Variants in RALGPS1 observed in about 807,000 individuals in gnomAD.
RALGPS1 encodes the protein Ral GEF with PH domain and SH3 binding motif 1, also known as ras-specific guanine nucleotide-releasing factor RalGPS1.
In RALGPS1, 19 loss-of-function variants were observed where a neutral mutation model predicts 78.8. That is an observed-to-expected ratio of 0.24 (90% CI 0.17 to 0.35). RALGPS1 has a LOEUF of 0.35. RALGPS1 is among the 10% of genes least tolerant of loss of function. The pLI is 1.00. For synonymous variants in RALGPS1, 228 were observed against 256.3 expected (o/e 0.89, Z 1.06); for missense variants, 454 against 688.3 (o/e 0.66, Z 3.81).
intron 1 of RALGPS1, among the ~76,000 whole-genome samples, chr9:126,953,648 G>A (rs1384491314): frequency 6.6e-6 from 1 of 152,170 alleles, no homozygotes; most frequent in African/African-American, 2.4e-5. Context: ...CCTTTCACCT[G>A]ACACCACATA....
chr9:127,114,202 A>G (rs1252431098), intron 8 of RALGPS1, among the ~76,000 whole-genome samples: 2 of 152,182 alleles, frequency 1.3e-5, no homozygotes, highest in Non-Finnish European at 2.9e-5. Context: ...CACAACTCAC[A>G]TTCATAGTCT....
chr9:127,217,808 A>C (rs952079577), intron 18 of RALGPS1: 1 of 152,194 alleles, frequency 6.6e-6, no homozygotes, highest in African/African-American at 2.4e-5. Context: ...AACCATAAAG[A>C]TGCATTTTCT....
chr9:127,024,047 A>AAAAAAAG (rs2045738211), intron 4 of RALGPS1, among the ~76,000 whole-genome samples: 1 of 151,174 alleles, frequency 6.6e-6, no homozygotes, highest in African/African-American at 2.4e-5. Context: ...AAAAAAAAAA[A>AAAAAAAG]AAAAAAAAGG....
chr9:127,192,434 G>A (rs1432434494), intron 11 of RALGPS1, among the ~76,000 whole-genome samples: 1 of 152,226 alleles, frequency 6.6e-6, no homozygotes, highest in Non-Finnish European at 1.5e-5. Context: ...ATGCATCTTA[G>A]GAAAGGGCAG....
intron 4 of RALGPS1, among the ~76,000 whole-genome samples, chr9:127,028,883 A>C (rs2046180431): frequency 6.6e-6 from 1 of 152,084 alleles, no homozygotes; most frequent in Non-Finnish European, 1.5e-5. Context: ...GGTCCATGTA[A>C]GTCCCTAACT....
In RALGPS1 at chr9:126,926,922, A is replaced by G. The variant is rs1033745579; in HGVS notation, c.-66+11947A>G. ...AGATGGTAGGACCAGTCACTGAGCT[A>G]TGAAACGTGAAAGGAATACTGGGTT... On this transcript the variant is annotated intron_variant, in intron 1 of 18. Coordinates refer to ENST00000259351, the MANE Select transcript of RALGPS1 (RefSeq NM_014636.3). Among the ~76,000 whole-genome samples the G allele has an allele frequency of 7.0e-4, 106 of 152,162 alleles. 1 individual carries two copies. Among genetic ancestry groups the G allele is most frequent in the African/African-American group, 2.5e-3 (104 of 41,430 alleles).
chr9:127,021,211 G>C (rs890952435), intron 4 of RALGPS1, among the ~76,000 whole-genome samples: 1 of 152,028 alleles, frequency 6.6e-6, no homozygotes, highest in Non-Finnish European at 1.5e-5. Flanking sequence ...AATGTAATAA[G>C]ACCCTGCCGG....
intron 8 of RALGPS1, among the ~76,000 whole-genome samples, chr9:127,097,766 G>A (rs764851364): frequency 1.3e-5 from 2 of 152,230 alleles, no homozygotes; most frequent in Admixed American, 6.5e-5. Flanking sequence ...GTCTGGCCTC[G>A]ATGGAGGAAG....
At chr9:126,995,345 GC>G (rs1446788743) in intron 4 of RALGPS1, among the ~76,000 whole-genome samples, 1 of 151,962 alleles carries the variant, frequency 6.6e-6, no homozygotes, top group African/African-American at 2.4e-5. Context: ...GATCTACCAA[GC>G]AAATGGAAAA....
At chr9:127,156,278 A>C (rs2139267141) in intron 8 of RALGPS1, among the ~76,000 whole-genome samples, 1 of 152,298 alleles carries the variant, frequency 6.6e-6, no homozygotes, top group South Asian at 2.1e-4. Context: ...GTATTGCTGC[A>C]ATTTGTAGTA....
At chr9:127,140,235 AC>A (rs112847930) in intron 8 of RALGPS1, among the ~76,000 whole-genome samples, 3 of 152,200 alleles carry the variant, frequency 2.0e-5, no homozygotes, top group African/African-American at 4.8e-5. Context: ...ACTTTGGGGC[AC>A]CCTGGAAGGC....
At chr9:126,929,154 T>A (rs922705880) in intron 1 of RALGPS1, among the ~76,000 whole-genome samples, 2 of 152,162 alleles carry the variant, frequency 1.3e-5, no homozygotes, top group African/African-American at 4.8e-5. Context: ...ACCTGTATAA[T>A]AAATGTTTGA....
chr9:126,952,654 A>AGTGTGTGTGTGTGTGTGTGTGTGT (rs1392225698), intron 1 of RALGPS1, among the ~76,000 whole-genome samples: 3 of 138,112 alleles, frequency 2.2e-5, no homozygotes, highest in African/African-American at 7.8e-5. Flanking sequence ...AGAGAGAGAG[A>AGTGTGTGTGTGTGTGTGTGTGTGT]GAGTGTGTGT....
chr9:127,194,437 G>C (rs1270932030), intron 11 of RALGPS1, among the ~76,000 whole-genome samples: 1 of 152,158 alleles, frequency 6.6e-6, no homozygotes, highest in African/African-American at 2.4e-5. Flanking sequence ...TTTGGGGACG[G>C]AGTCTCACTC....
At chr9:127,017,518 C>A (rs1011687018) in intron 4 of RALGPS1, among the ~76,000 whole-genome samples, 1 of 152,100 alleles carries the variant, frequency 6.6e-6, no homozygotes, top group Non-Finnish European at 1.5e-5. Context: ...TACTGTAATA[C>A]ACAACTGTAG....
intron 4 of RALGPS1, among the ~76,000 whole-genome samples, chr9:126,991,216 C>T (rs1588881404): frequency 6.6e-6 from 1 of 152,190 alleles, no homozygotes; most frequent in East Asian, 1.9e-4. Flanking sequence ...AATTCCCCAA[C>T]TCCATTTATT....
At chr9:126,974,367 C>T (rs564119134) in intron 3 of RALGPS1, among the ~76,000 whole-genome samples, 21 of 152,218 alleles carry the variant, frequency 1.4e-4, no homozygotes, top group Admixed American at 3.9e-4. Flanking sequence ...CTGTTCTGTG[C>T]GCCCTCCTGG....
At chr9:127,026,983 C>T (rs1178626038) in intron 4 of RALGPS1, among the ~76,000 whole-genome samples, 1 of 152,176 alleles carries the variant, frequency 6.6e-6, no homozygotes, top group East Asian at 1.9e-4. Flanking sequence ...AGACAGTGTC[C>T]AGTACACTGA....
intron 8 of RALGPS1, chr9:127,087,307 G>A (rs1373981264): frequency 1.3e-5 from 2 of 152,510 alleles, no homozygotes; most frequent in Non-Finnish European, 2.9e-5. Context: ...GCCCCAGGAA[G>A]GCATTCTAAA....
Sources: gnomAD v4.1 joint callset for allele counts (sites outside exome capture counted in the v4.1 genomes callset) on GRCh38, gnomAD v4.1.1 for gene constraint, MANE v1.5 for transcripts, NCBI Gene and HGNC (gene_info 2026-07-23, HGNC 2026-07-21) for gene names.